PGM5: variants seen among roughly 807,000 people sequenced by gnomAD.
The protein encoded by PGM5 is phosphoglucomutase 5, also known as phosphoglucomutase-like protein 5.
Under a neutral mutation model 59.2 loss-of-function variants are expected in PGM5, and 23 were observed. The observed-to-expected ratio is 0.39, with a 90% confidence interval of 0.28 to 0.55. The LOEUF (loss-of-function observed/expected upper bound fraction) is 0.55. PGM5 is among the 20% of genes least tolerant of loss of function. PGM5 has a pLI of 0.66. For missense variants in PGM5, 574 were observed against 748.3 expected, an observed-to-expected ratio of 0.77 and a Z score of 2.72; for synonymous variants, 214 against 286.0, an observed-to-expected ratio of 0.75 and a Z score of 2.54.
At chr9:68,466,558 T>C (rs1016733906) in intron 7 of PGM5, 1 of 157,346 alleles carries the variant, frequency 6.4e-6, no homozygotes, top group African/African-American at 2.4e-5. Flanking sequence ...GAACAGTAGA[T>C]ATTCAGGTCA....
At chr9:68,473,814 G>T (rs928502082) in intron 7 of PGM5, among the ~76,000 whole-genome samples, 1 of 152,088 alleles carries the variant, frequency 6.6e-6, no homozygotes, top group Non-Finnish European at 1.5e-5. Flanking sequence ...TCCAAAGCTG[G>T]CAAAGTCCTC....
chr9:68,447,661 G>T (rs981586440), intron 6 of PGM5, among the ~76,000 whole-genome samples: 2 of 152,132 alleles, frequency 1.3e-5, no homozygotes, highest in African/African-American at 4.8e-5. Flanking sequence ...TTTGGTGTTT[G>T]CAGCAAGTAT....
At chr9:68,459,738 C>T (rs1823830023) in intron 6 of PGM5, among the ~76,000 whole-genome samples, 1 of 151,378 alleles carries the variant, frequency 6.6e-6, no homozygotes, top group Non-Finnish European at 1.5e-5. Flanking sequence ...TTGCATTTCC[C>T]TGATCTCTAG....
At chr9:68,371,857 G>A (rs567057658) in intron 1 of PGM5, among the ~76,000 whole-genome samples, 1 of 152,052 alleles carries the variant, frequency 6.6e-6, no homozygotes, top group South Asian at 2.1e-4. Context: ...ACGCAGAGAA[G>A]AAGACGTGAA....
At chr9:68,476,181 T>C (rs1824100649) in intron 7 of PGM5, among the ~76,000 whole-genome samples, 1 of 152,220 alleles carries the variant, frequency 6.6e-6, no homozygotes, top group Non-Finnish European at 1.5e-5. Context: ...TCTTCCCCCG[T>C]CAAACCTTTG....
intron 10 of PGM5, among the ~76,000 whole-genome samples, chr9:68,524,166 T>C: frequency 6.6e-6 from 1 of 152,158 alleles, no homozygotes; most frequent in South Asian, 2.1e-4. Context: ...GTTAACTGGG[T>C]GCAAAATTTA....
chr9:68,523,053 A>G (rs1824922090), intron 10 of PGM5, among the ~76,000 whole-genome samples: 1 of 152,170 alleles, frequency 6.6e-6, no homozygotes, highest in African/African-American at 2.4e-5. Context: ...CATTACTTAC[A>G]GTTCAAATCC....
At chr9:68,478,246 C>T (rs1357207140) in intron 7 of PGM5, among the ~76,000 whole-genome samples, 4 of 152,226 alleles carry the variant, frequency 2.6e-5, no homozygotes, top group Non-Finnish European at 5.9e-5. Context: ...CTGCAGTCTT[C>T]ATTTGTGTGC....
intron 6 of PGM5, among the ~76,000 whole-genome samples, chr9:68,438,349 G>C (rs1286520376): frequency 2.0e-5 from 3 of 147,190 alleles, no homozygotes; most frequent in Non-Finnish European, 1.5e-5. Flanking sequence ...ATCTGTAGCT[G>C]TTTGAACATA....
chr9:68,424,475 G>C (rs1192029280), intron 6 of PGM5, among the ~76,000 whole-genome samples: 5 of 152,144 alleles, frequency 3.3e-5, no homozygotes, highest in African/African-American at 1.2e-4. Flanking sequence ...TCATTCACAA[G>C]GGATCTGCCC....
chr9:68,520,329 A>G (rs1347864782), intron 10 of PGM5, among the ~76,000 whole-genome samples: 1 of 152,034 alleles, frequency 6.6e-6, no homozygotes, highest in Non-Finnish European at 1.5e-5. Context: ...TTTTAAATTT[A>G]TAAAGAAAAA....
chr9:68,471,826 G>A (rs1293152560), intron 7 of PGM5, among the ~76,000 whole-genome samples: 1 of 152,086 alleles, frequency 6.6e-6, no homozygotes, highest in East Asian at 1.9e-4. Context: ...GGTTGAGGCA[G>A]GAGAATCACT....
chr9:68,429,589 G>A (rs1418979736), intron 6 of PGM5, among the ~76,000 whole-genome samples: 2 of 141,802 alleles, frequency 1.4e-5, no homozygotes, highest in Non-Finnish European at 3.1e-5. Flanking sequence ...CTTTGTCAAT[G>A]TTTTTGGAAG....
intron 10 of PGM5, among the ~76,000 whole-genome samples, chr9:68,506,937 A>G (rs781959508): frequency 1.2e-4 from 19 of 152,170 alleles, no homozygotes; most frequent in Non-Finnish European, 2.5e-4. Context: ...TAGCCCCCCA[A>G]ACCCTGAAAA....
chr9:68,512,975 C>A (rs1211691282), intron 10 of PGM5, among the ~76,000 whole-genome samples: 2 of 152,138 alleles, frequency 1.3e-5, no homozygotes, highest in East Asian at 3.9e-4. Context: ...AACATAAAAA[C>A]CATTTTTATG....
chr9:68,364,564 G>A (rs1350610775), intron 1 of PGM5, among the ~76,000 whole-genome samples: 5 of 152,204 alleles, frequency 3.3e-5, no homozygotes, highest in African/African-American at 1.2e-4. Context: ...AGACATTAGG[G>A]AGGACAGGTT....
chr9:68,456,598 C>G (rs1256910012), intron 6 of PGM5, among the ~76,000 whole-genome samples: 1 of 149,634 alleles, frequency 6.7e-6, no homozygotes, highest in Non-Finnish European at 1.5e-5. Context: ...GGATTACATG[C>G]AAGAGCACTG....
chr9:68,423,207 T>C (rs1277877293), intron 6 of PGM5, among the ~76,000 whole-genome samples: 2 of 152,204 alleles, frequency 1.3e-5, no homozygotes, highest in East Asian at 1.9e-4. Context: ...ATCTTTTTCG[T>C]ATAATGACTT....
chr9:68,403,675 A>T (rs1393785639), intron 6 of PGM5, among the ~76,000 whole-genome samples: 1 of 152,200 alleles, frequency 6.6e-6, no homozygotes, highest in Non-Finnish European at 1.5e-5. Flanking sequence ...GTACCAGATT[A>T]TCTGGCTCAA....
Sources: allele counts gnomAD v4.1 joint callset (sites outside exome capture counted in the v4.1 genomes callset), GRCh38; gene constraint gnomAD v4.1.1; transcripts MANE v1.5; gene names NCBI Gene and HGNC (gene_info 2026-07-23, HGNC 2026-07-21).